Variants in ESR2 observed in about 807,000 individuals in gnomAD.
The protein encoded by ESR2 is estrogen receptor 2, also known as estrogen receptor beta.
In ESR2, 36 loss-of-function variants were observed where a neutral mutation model predicts 49.6. That is an observed-to-expected ratio of 0.73 (90% CI 0.56 to 0.96). ESR2 has a LOEUF of 0.96. Among genes scored for constraint, ESR2 ranks in the 40% least tolerant of loss-of-function variants. ESR2 has a pLI of 0.00. For missense variants in ESR2, 714 were observed against 693.0 expected, an observed-to-expected ratio of 1.03 and a Z score of -0.34; for synonymous variants, 320 against 266.1, an observed-to-expected ratio of 1.20 and a Z score of -1.97.
chr14:64,236,928 CTG>C (rs1208825394), intron 7 of ESR2, among the ~76,000 whole-genome samples: 1 of 151,766 alleles, frequency 6.6e-6, no homozygotes, highest in African/African-American at 2.4e-5. Context: ...CTCAGCAAGA[CTG>C]GACATGAGTG....
At chr14:64,277,625 C>CAAAAAAA (rs55742946) in intron 3 of ESR2, among the ~76,000 whole-genome samples, 1 of 92,360 alleles carries the variant, frequency 1.1e-5, no homozygotes. Flanking sequence ...ACTCCATCTC[C>CAAAAAAA]AAAAAAAAAA....
At chr14:64,318,048 G>T (rs537288003) in intron 1 of ESR2, among the ~76,000 whole-genome samples, 37 of 151,992 alleles carry the variant, frequency 2.4e-4, no homozygotes, top group South Asian at 8.3e-4. Flanking sequence ...TGAAAAGGAA[G>T]AAATGAAACT....
chr14:64,329,418 TCTA>T (rs2077427201), intron 1 of ESR2: 1 of 152,144 alleles, frequency 6.6e-6, no homozygotes, highest in African/African-American at 2.4e-5. Context: ...CTAAAGCACT[TCTA>T]CTACAACAAT....
intron 4 of ESR2, among the ~76,000 whole-genome samples, chr14:64,261,106 T>G (rs1413821654): frequency 6.6e-6 from 1 of 152,190 alleles, no homozygotes; most frequent in Non-Finnish European, 1.5e-5. Context: ...CATATGTATA[T>G]ATTTCCTTAT....
rs2098727598 is a variant in ESR2, at chr14:64,231,898, C to A, written c.*1239G>T. On this transcript the variant is annotated 3_prime_UTR_variant, in exon 9 of 9. Coordinates refer to ENST00000341099, the MANE Select transcript of ESR2 (RefSeq NM_001437.3). ...TTCTTCATGTCCTATTTATGTTCCA[C>A]TTGGAATAAGAACTAATATTTTTAC... The A allele has an allele frequency of 6.6e-6, 1 of 152,166 alleles. No individual in the cohort carries two copies. 9.4% of individuals were successfully genotyped at this position (152,166 alleles called of 1,614,324 possible). A position where few individuals can be genotyped will look rare whatever the true frequency, so the allele number is the denominator to read the frequency against.
Position 64,314,202 on chromosome 14 carries a change from G to A in ESR2, c.-91+23696C>T, listed in dbSNP as rs34187403. On this transcript the variant is annotated intron_variant, in intron 1 of 8. Transcript: ENST00000358599. Reference sequence around the variant, plus strand: ...TTCTGACCACAGTGGAATCAAACTAGAAACCAATAACAGATAACAGGAAAA... The same window carrying A: ...TTCTGACCACAGTGGAATCAAACTAAAAACCAATAACAGATAACAGGAAAA... Among the ~76,000 whole-genome samples the A allele has an allele frequency of 1.4e-3, 217 of 151,814 alleles. 1 individual carries two copies. The highest frequency in any genetic ancestry group is 2.7e-3 in the South Asian group (13 of 4,806).
At chr14:64,263,870 C>CA (rs2076271251) in intron 4 of ESR2, among the ~76,000 whole-genome samples, 1 of 152,030 alleles carries the variant, frequency 6.6e-6, no homozygotes, top group South Asian at 2.1e-4. Context: ...AGATATTTTG[C>CA]AAAAATTATC....
chr14:64,276,353 T>C (rs949072733), intron 3 of ESR2, among the ~76,000 whole-genome samples: 2 of 152,200 alleles, frequency 1.3e-5, no homozygotes, highest in African/African-American at 4.8e-5. Context: ...AAATGGCAGA[T>C]AGATTTATGA....
At chr14:64,239,774 A>G (rs1175198788) in intron 7 of ESR2, among the ~76,000 whole-genome samples, 3 of 152,246 alleles carry the variant, frequency 2.0e-5, no homozygotes, top group African/African-American at 7.2e-5. Flanking sequence ...AAGGCTAAGT[A>G]TGATACAGGA....
chr14:64,328,343 T>G (rs2077414522), intron 1 of ESR2, among the ~76,000 whole-genome samples: 1 of 151,682 alleles, frequency 6.6e-6, no homozygotes, highest in Non-Finnish European at 1.5e-5. Flanking sequence ...CACTTGAACC[T>G]GGGAGGCAGA....
intron 8 of ESR2, 191 bp from the exon 9 acceptor site, chr14:64,233,514 CT>C: frequency 1.7e-6 from 1 of 575,776 alleles, no homozygotes; most frequent in Middle Eastern, 4.7e-4. Context: ...AGGACGATGT[CT>C]TGTCAGCCTC....
rs560979388 is a variant in ESR2, at chr14:64,246,648, C to G, written c.1225+2898G>C. Among the ~76,000 whole-genome samples the G allele has an allele frequency of 2.1e-5, 3 of 141,980 alleles. No individual in the cohort carries two copies. In the Admixed American group the frequency reaches 2.3e-4, roughly 11 times the overall value. The allele number at this position is 141,980 out of a possible 152,430, so 93.1% of individuals were successfully genotyped here. On this transcript the variant is annotated intron_variant, in intron 7 of 8. Transcript: ENST00000341099. ...ATGCTGAGGCATCGCTTGAGAATCA[C>G]TTGAACCTGGGAGGCGGAGGTTTCA...
intron 6 of ESR2, among the ~76,000 whole-genome samples, chr14:64,255,968 G>A (rs2076088208): frequency 6.6e-6 from 1 of 152,200 alleles, no homozygotes; most frequent in African/African-American, 2.4e-5. Flanking sequence ...AAGGCAGAAT[G>A]GGGACTGATA....
intron 6 of ESR2, among the ~76,000 whole-genome samples, chr14:64,250,337 T>C (rs2075963101): frequency 6.6e-6 from 1 of 152,238 alleles, no homozygotes. Context: ...AAGGATTATC[T>C]TCAAGCAAGG....
upstream of ESR2, among the ~76,000 whole-genome samples, chr14:64,295,222 CTAAT>C (rs2076941887): frequency 6.6e-6 from 1 of 152,230 alleles, no homozygotes; most frequent in African/African-American, 2.4e-5. Context: ...ACATCTGTGC[CTAAT>C]TAATCATCAA....
At chr14:64,314,113 A>G (rs955900049) in intron 1 of ESR2, among the ~76,000 whole-genome samples, 6 of 152,134 alleles carry the variant, frequency 3.9e-5, no homozygotes, top group Non-Finnish European at 8.8e-5. Flanking sequence ...AAGATAGACC[A>G]TATCCTGAGC....
intron 3 of ESR2, among the ~76,000 whole-genome samples, chr14:64,273,130 A>AT (rs140270135): frequency 0.062 from 9,294 of 151,048 alleles, 693 homozygotes; most frequent in African/African-American, 0.17. Context: ...ATCACTTTAG[A>AT]TTTTTTTTTC....
At position 64,251,715 on chromosome 14, in the gene ESR2, T is replaced by C. The variant is rs79306444; in HGVS notation, c.1092-2036A>G. 2.9e-3 allele frequency among the ~76,000 whole-genome samples: 447 copies of C among 152,268 alleles called. 5 individuals carry two copies. Among genetic ancestry groups the C allele is most frequent in the African/African-American group, 0.01 (428 of 41,566 alleles). ...ACAAAGTCTAAAGAACTAGGTCTGATTGCTTTCTTTTTAAGCAGGTGTGAC... is the reference window on the plus strand; with the variant it reads ...ACAAAGTCTAAAGAACTAGGTCTGACTGCTTTCTTTTTAAGCAGGTGTGAC... On this transcript the variant is annotated intron_variant, in intron 6 of 8. Coordinates refer to ENST00000341099, the MANE Select transcript of ESR2 (RefSeq NM_001437.3).
chr14:64,227,820 C>G (rs2098723067), downstream of ESR2: 4 of 1,574,224 alleles, frequency 2.5e-6, no homozygotes, highest in Non-Finnish European at 3.4e-6. Context: ...ATGAGGTAGT[C>G]TGGGTTTTAT....
Sources: allele counts gnomAD v4.1 joint callset (sites outside exome capture counted in the v4.1 genomes callset), GRCh38; gene constraint gnomAD v4.1.1; transcripts MANE v1.5; gene names NCBI Gene and HGNC (gene_info 2026-07-23, HGNC 2026-07-21).